The following ELOVL2 variants were observed in gnomAD, a reference collection of about 807,000 sequenced individuals.
The protein encoded by ELOVL2 is very long chain fatty acid elongase 2.
In ELOVL2, 38 loss-of-function variants were observed where a neutral mutation model predicts 37.7. The ratio of observed to expected loss-of-function variants is 1.01; its 90% confidence interval spans 0.78 to 1.32. The LOEUF (loss-of-function observed/expected upper bound fraction) is 1.32. ELOVL2 is among the 40% of genes most tolerant of loss of function. The pLI, the probability that ELOVL2 is intolerant of heterozygous loss-of-function variation, is 0.00. For synonymous variants in ELOVL2, 115 were observed against 122.3 expected, an observed-to-expected ratio of 0.94 and a Z score of 0.40; for missense variants, 352 against 363.6, an observed-to-expected ratio of 0.97 and a Z score of 0.26.
chr6:11,006,454 G>T (rs1053818055), intron 2 of ELOVL2, among the ~76,000 whole-genome samples: 1 of 152,206 alleles, frequency 6.6e-6, no homozygotes, highest in East Asian at 1.9e-4. Context: ...TTTAAATAAA[G>T]AAAATGATTT....
chr6:11,039,260 G>A (rs1783062544), intron 1 of ELOVL2, among the ~76,000 whole-genome samples: 1 of 152,172 alleles, frequency 6.6e-6, no homozygotes, highest in Non-Finnish European at 1.5e-5. Flanking sequence ...TAAAGCTAGG[G>A]CTAGAACCCA....
At chr6:11,043,029 A>G (rs1783127085) in intron 1 of ELOVL2, among the ~76,000 whole-genome samples, 1 of 152,204 alleles carries the variant, frequency 6.6e-6, no homozygotes, top group South Asian at 2.1e-4. Flanking sequence ...TACATGCTCA[A>G]GAGAAGACAA....
rs190910658 is a variant in ELOVL2 at position 11,014,088 on chromosome 6, A to T, written c.4-3279T>A. On this transcript the variant is annotated intron_variant, in intron 1 of 7. Coordinates refer to ENST00000354666, the MANE Select transcript of ELOVL2 (RefSeq NM_017770.4). The stretch of plus-strand genomic sequence containing the variant: ...TGTACAGCAAATATGAGAAGAATGG[A>T]AAGACTGGTAGCAGGGAGAGCCTTA... Among the ~76,000 whole-genome samples, 116 of 152,304 alleles carry T rather than the reference A, an allele frequency of 7.6e-4. 1 individual carries two copies. The highest frequency in any genetic ancestry group is 4.1e-4 in the Non-Finnish European group (28 of 68,030).
intron 3 of ELOVL2, 67 bp from the exon 4 acceptor site, chr6:11,000,231 TC>T: frequency 1.4e-6 from 2 of 1,421,062 alleles, no homozygotes; most frequent in Non-Finnish European, 2.0e-6. Context: ...AGACTGAATT[TC>T]CCATTCATGT....
At chr6:11,014,829 C>T (rs1012061387) in intron 1 of ELOVL2, among the ~76,000 whole-genome samples, 1 of 152,160 alleles carries the variant, frequency 6.6e-6, no homozygotes, top group African/African-American at 2.4e-5. Context: ...TATAGGAATT[C>T]TTTGAGGCTT....
intron 1 of ELOVL2, among the ~76,000 whole-genome samples, chr6:11,039,612 CATAAA>C (rs1178212422): frequency 3.4e-5 from 5 of 147,454 alleles, no homozygotes; most frequent in African/African-American, 1.4e-4. Context: ...TATTTTGAAA[CATAAA>C]ATAAATAGTC....
chr6:11,038,582 C>T (rs1169819579), intron 1 of ELOVL2, among the ~76,000 whole-genome samples: 2 of 151,988 alleles, frequency 1.3e-5, no homozygotes, highest in Non-Finnish European at 2.9e-5. Flanking sequence ...TTAATTTCAG[C>T]AAGAACTTAA....
chr6:11,029,923 T>G (rs186934807), intron 1 of ELOVL2, among the ~76,000 whole-genome samples: 4 of 152,244 alleles, frequency 2.6e-5, no homozygotes, highest in African/African-American at 7.2e-5. Context: ...TTATGCTCAC[T>G]GCCCAGCTTG....
At chr6:11,012,179 AGAT>A (rs1190006413) in intron 1 of ELOVL2, among the ~76,000 whole-genome samples, 1 of 151,468 alleles carries the variant, frequency 6.6e-6, no homozygotes, top group Admixed American at 6.6e-5. Flanking sequence ...AAGAGGATGA[AGAT>A]GATGACTAAC....
chr6:10,987,887 CT>C (rs201001533), intron 7 of ELOVL2, among the ~76,000 whole-genome samples: 585 of 144,332 alleles, frequency 4.1e-3, no homozygotes, highest in African/African-American at 7.8e-3. Flanking sequence ...CTCATTTTCA[CT>C]TTTTTTTTTT....
chr6:10,999,314 T>A (rs1782331207), intron 4 of ELOVL2, among the ~76,000 whole-genome samples: 1 of 152,108 alleles, frequency 6.6e-6, no homozygotes, highest in Non-Finnish European at 1.5e-5. Flanking sequence ...TAGCACAAGG[T>A]ACATTCAGAG....
chr6:10,986,041 T>C (rs1782045997), intron 7 of ELOVL2, among the ~76,000 whole-genome samples: 1 of 152,220 alleles, frequency 6.6e-6, no homozygotes, highest in African/African-American at 2.4e-5. Flanking sequence ...TGTTTTGTAG[T>C]TCTCCTTGAA....
At chr6:10,988,564 C>CA (rs1301934243) in intron 7 of ELOVL2, among the ~76,000 whole-genome samples, 3 of 151,340 alleles carry the variant, frequency 2.0e-5, no homozygotes, top group Non-Finnish European at 4.4e-5. Context: ...AACTCTGTTT[C>CA]AAAAAAATAA....
chr6:11,002,144 C>T (rs542920288), intron 3 of ELOVL2, among the ~76,000 whole-genome samples: 17 of 152,272 alleles, frequency 1.1e-4, no homozygotes, highest in Non-Finnish European at 2.2e-4. Context: ...CTTCCAAGGG[C>T]CCAATGTCAT....
intron 1 of ELOVL2, among the ~76,000 whole-genome samples, chr6:11,019,650 AAGG>A (rs561390879): frequency 1.7e-3 from 262 of 150,728 alleles, no homozygotes; most frequent in African/African-American, 6.0e-3. Context: ...CTGGAGAGGC[AAGG>A]AGGATAGTGG....
chr6:11,007,805 G>C (rs1453745380), intron 2 of ELOVL2, among the ~76,000 whole-genome samples: 1 of 152,188 alleles, frequency 6.6e-6, no homozygotes, highest in Non-Finnish European at 1.5e-5. Context: ...GCTGAGTTAA[G>C]AGGAAACATT....
chr6:11,001,964 C>A (rs1782394003), intron 3 of ELOVL2, among the ~76,000 whole-genome samples: 1 of 152,246 alleles, frequency 6.6e-6, no homozygotes, highest in Non-Finnish European at 1.5e-5. Context: ...GCCTGTAGTA[C>A]TGCAATGATC....
rs1012512024 is a variant in ELOVL2 at position 11,020,978 on chromosome 6, C to G, written c.4-10169G>C. Among the ~76,000 whole-genome samples the G allele has an allele frequency of 9.2e-5, 14 of 152,246 alleles. No homozygotes were observed. The East Asian group carries it at 2.3e-3, about 25-fold the overall frequency. ...GGATGTATACACTATGCATCTTAAC[C>G]TCAATTCCTTGGTATCCAGCTGTAT... On this transcript the variant is annotated intron_variant, in intron 1 of 7. Coordinates refer to ENST00000354666, the MANE Select transcript of ELOVL2 (RefSeq NM_017770.4).
chr6:10,991,631 A>T (rs1208218481), intron 5 of ELOVL2, among the ~76,000 whole-genome samples: 2 of 152,204 alleles, frequency 1.3e-5, no homozygotes, highest in Non-Finnish European at 2.9e-5. Flanking sequence ...AAATTAATAA[A>T]TAAGAAACAA....
Sources: allele counts gnomAD v4.1 joint callset (sites outside exome capture counted in the v4.1 genomes callset), GRCh38; gene constraint gnomAD v4.1.1; transcripts MANE v1.5; gene names NCBI Gene and HGNC (gene_info 2026-07-23, HGNC 2026-07-21).